DENND4C: variants seen among roughly 807,000 people sequenced by gnomAD.
DENND4C encodes DENN domain containing 4C.
A neutral mutation model predicts 203.0 loss-of-function variants in DENND4C; 108 were observed. The ratio of observed to expected loss-of-function variants is 0.53; its 90% CI spans 0.46 to 0.62. The LOEUF (loss-of-function observed/expected upper bound fraction) is 0.62. Among genes scored for constraint, DENND4C ranks in the 20% least tolerant of loss-of-function variants. The pLI is 0.00. For synonymous variants in DENND4C, 871 were observed against 792.4 expected, an observed-to-expected ratio of 1.10 and a Z score of -1.67; for missense variants, 2,481 against 2,301.2, an observed-to-expected ratio of 1.08 and a Z score of -1.60.
chr9:19,294,167 G>T (rs546978772), intron 5 of DENND4C, among the ~76,000 whole-genome samples: 1 of 152,226 alleles, frequency 6.6e-6, no homozygotes, highest in South Asian at 2.1e-4. Flanking sequence ...TTTGTGTTTT[G>T]TTAGTATAAT....
chr9:19,299,402 T>A, intron 8 of DENND4C, 115 bp downstream of exon 8: 1 of 725,062 alleles, frequency 1.4e-6, no homozygotes, highest in South Asian at 3.6e-5. Context: ...ACAATTAACT[T>A]TATTAGTTAA....
At chr9:19,265,152 C>T (rs1219988958) in intron 1 of DENND4C, among the ~76,000 whole-genome samples, 2 of 152,018 alleles carry the variant, frequency 1.3e-5, no homozygotes, top group African/African-American at 4.8e-5. Flanking sequence ...ATAGCTGGAA[C>T]TACAGGTTTA....
chr9:19,291,691 C>T (rs982742428), intron 5 of DENND4C, among the ~76,000 whole-genome samples: 46 of 118,880 alleles, frequency 3.9e-4, no homozygotes, highest in African/African-American at 1.2e-3. Flanking sequence ...GGCTACAGAG[C>T]GATACTCTTT....
intron 1 of DENND4C, among the ~76,000 whole-genome samples, chr9:19,256,297 G>GTTTT (rs796711741): frequency 4.9e-5 from 6 of 122,588 alleles, no homozygotes; most frequent in African/African-American, 8.9e-5. Flanking sequence ...TTTCTTTTCT[G>GTTTT]TTTTTTTTTT....
At chr9:19,338,427 A>G (rs1820947353) in intron 20 of DENND4C, among the ~76,000 whole-genome samples, 1 of 152,134 alleles carries the variant, frequency 6.6e-6, no homozygotes, top group African/African-American at 2.4e-5. Context: ...ATGCTGGGTA[A>G]TTGGTATAAA....
chr9:19,278,161 A>C (rs1284653880), intron 2 of DENND4C, among the ~76,000 whole-genome samples: 3 of 148,182 alleles, frequency 2.0e-5, no homozygotes, highest in Non-Finnish European at 3.0e-5. Context: ...TTTGAGACAG[A>C]GTCTGGCTTC....
intron 30 of DENND4C, among the ~76,000 whole-genome samples, chr9:19,364,772 G>T: frequency 6.6e-6 from 1 of 152,204 alleles, no homozygotes; most frequent in South Asian, 2.1e-4. Flanking sequence ...GTGGGCACTT[G>T]TAATCCCAGC....
intron 2 of DENND4C, among the ~76,000 whole-genome samples, chr9:19,281,756 C>G (rs1292786732): frequency 6.6e-6 from 1 of 152,168 alleles, no homozygotes; most frequent in Non-Finnish European, 1.5e-5. Context: ...TGTACATACA[C>G]AAACCTAGGT....
intron 18 of DENND4C, 25 bp downstream of exon 18, chr9:19,335,130 G>A: frequency 2.7e-6 from 4 of 1,474,542 alleles, no homozygotes; most frequent in Non-Finnish European, 3.6e-6. Context: ...CATTAGGCAA[G>A]ATGTGGTGTT....
At chr9:19,371,991 GTCTT>G (rs767995822) in intron 32 of DENND4C, 42 bp from the exon 33 acceptor site, 10 of 1,583,512 alleles carry the variant, frequency 6.3e-6, no homozygotes, top group South Asian at 3.5e-5. Flanking sequence ...AACGGCTGTT[GTCTT>G]TCTTAACAAA....
intron 10 of DENND4C, among the ~76,000 whole-genome samples, chr9:19,315,178 G>GAA (rs1841577955): frequency 7.3e-6 from 1 of 136,166 alleles, no homozygotes; most frequent in Non-Finnish European, 1.6e-5. Context: ...AAAAAGAAAA[G>GAA]AAAAAGCTGA....
At chr9:19,353,917 TTC>T (rs1824760619) in intron 26 of DENND4C, among the ~76,000 whole-genome samples, 1 of 152,184 alleles carries the variant, frequency 6.6e-6, no homozygotes, top group Non-Finnish European at 1.5e-5. Context: ...GAGGTGTTTC[TTC>T]TCTGTTTTTT....
intron 28 of DENND4C, 58 bp from the exon 29 acceptor site, chr9:19,360,186 C>A: frequency 6.5e-7 from 1 of 1,538,688 alleles, no homozygotes; most frequent in South Asian, 1.2e-5. Context: ...TTGAGAAGTG[C>A]TCTTGAGCAT....
rs143422513 is a variant in DENND4C, at chr9:19,345,810, A to T, written c.3152-111A>T. Reference sequence around the variant, plus strand: ...TCTTTATGGCCTCTAAATTTTCTGGATCTTTTATTCTGAGTATATGTCACA... The same window carrying T: ...TCTTTATGGCCTCTAAATTTTCTGGTTCTTTTATTCTGAGTATATGTCACA... On this transcript the variant is annotated intron_variant, in intron 22 of 32. Coordinates refer to ENST00000434457, the MANE Select transcript of DENND4C (RefSeq NM_001330640.2). The T allele has an allele frequency of 3.9e-4, 402 of 1,031,742 alleles. 2 individuals carry two copies. In the African/African-American group the frequency reaches 6.3e-3, roughly 16 times the overall value. 63.9% of individuals were successfully genotyped at this position (1,031,742 alleles called of 1,614,324 possible).
intron 26 of DENND4C, among the ~76,000 whole-genome samples, chr9:19,356,166 A>T (rs757639100): frequency 2.7e-4 from 41 of 152,074 alleles, no homozygotes; most frequent in Admixed American, 8.5e-4. Flanking sequence ...TCTATCACCT[A>T]TCTGTCTCTC....
chr9:19,250,965 TCTA>T (rs1826418872), intron 1 of DENND4C, among the ~76,000 whole-genome samples: 1 of 152,148 alleles, frequency 6.6e-6, no homozygotes, highest in Non-Finnish European at 1.5e-5. Context: ...TGTGGGAGGA[TCTA>T]CTATTCTGGG....
At chr9:19,235,402 A>G (rs968051907) in intron 1 of DENND4C, among the ~76,000 whole-genome samples, 8 of 152,250 alleles carry the variant, frequency 5.3e-5, no homozygotes, top group African/African-American at 1.2e-4. Flanking sequence ...CATTGAGTGA[A>G]AATCAAAATA....
chr9:19,307,148 A>C (rs1839843963), intron 10 of DENND4C, among the ~76,000 whole-genome samples: 1 of 152,100 alleles, frequency 6.6e-6, no homozygotes, highest in African/African-American at 2.4e-5. Flanking sequence ...CTTTAATCTC[A>C]GTACTTTCGG....
intron 10 of DENND4C, among the ~76,000 whole-genome samples, chr9:19,309,462 A>G (rs113710943): frequency 6.6e-6 from 1 of 152,110 alleles, no homozygotes; most frequent in African/African-American, 2.4e-5. Flanking sequence ...TGGTTACACA[A>G]TTCCGTGAAT....
Sources: allele counts gnomAD v4.1 joint callset (sites outside exome capture counted in the v4.1 genomes callset), GRCh38; gene constraint gnomAD v4.1.1; transcripts MANE v1.5; gene names NCBI Gene and HGNC (gene_info 2026-07-23, HGNC 2026-07-21).